ATP13A4: variants seen among roughly 807,000 people sequenced by gnomAD.
ATP13A4 encodes probable cation-transporting ATPase 13A4.
A neutral mutation model predicts 142.5 loss-of-function variants in ATP13A4; 114 were observed. The ratio of observed to expected loss-of-function variants is 0.80; its 90% CI spans 0.69 to 0.93. The LOEUF is 0.93. Ranked by LOEUF, ATP13A4 falls within the 40% of genes least tolerant of loss-of-function variation. The probability of loss-of-function intolerance (pLI) is 0.00; values close to 1 mark genes in which losing one functional copy is unlikely to be tolerated. For synonymous variants in ATP13A4, 488 were observed against 514.8 expected (o/e 0.95, Z 0.70); for missense variants, 1,392 against 1,454.0 (o/e 0.96, Z 0.69).
intron 28 of ATP13A4, among the ~76,000 whole-genome samples, chr3:193,408,360 G>A (rs1448168630): frequency 6.6e-6 from 1 of 152,122 alleles, no homozygotes; most frequent in East Asian, 1.9e-4. Context: ...ATCAATATGG[G>A]ACTACATATA....
chr3:193,589,178 A>ATG lies in ATP13A4; in HGVS notation n.91+3842_91+3843insCA, dbSNP rs201349620. 6.1e-3 allele frequency among the ~76,000 whole-genome samples: 933 copies of ATG among 151,832 alleles called. 10 individuals carry two copies. The highest frequency in any genetic ancestry group is 0.021 in the African/African-American group (869 of 41,252). ...AAACAAACAAAAACCAAATATATAT[A>ATG]TATGTGTGTGTGTGTGTGTATATAA... On this transcript the variant is annotated intron_variant and non_coding_transcript_variant, in intron 1 of 3. Transcript: ENST00000489140.
chr3:193,478,303 A>T (rs1026618561), intron 8 of ATP13A4, among the ~76,000 whole-genome samples: 1 of 151,992 alleles, frequency 6.6e-6, no homozygotes, highest in Non-Finnish European at 1.5e-5. Flanking sequence ...TTGAAACAAA[A>T]AAAAAGCCCA....
chr3:193,413,763 G>A (rs1714902332), intron 26 of ATP13A4, among the ~76,000 whole-genome samples: 1 of 152,180 alleles, frequency 6.6e-6, no homozygotes, highest in Non-Finnish European at 1.5e-5. Flanking sequence ...CTCTGCTCTT[G>A]AACCCTGTTT....
At chr3:193,525,355 C>G (rs573835958) in intron 1 of ATP13A4, among the ~76,000 whole-genome samples, 1 of 152,290 alleles carries the variant, frequency 6.6e-6, no homozygotes, top group East Asian at 1.9e-4. Context: ...GCAATGATCT[C>G]CTTCCAAAAT....
intron 17 of ATP13A4, among the ~76,000 whole-genome samples, chr3:193,450,768 C>G (rs1717230160): frequency 6.6e-6 from 1 of 152,136 alleles, no homozygotes; most frequent in Admixed American, 6.5e-5. Flanking sequence ...GAGATCTGTT[C>G]CTTGTCTCTG....
At chr3:193,578,105 C>T (rs1350720126) in intron 2 of ATP13A4, among the ~76,000 whole-genome samples, 1 of 151,966 alleles carries the variant, frequency 6.6e-6, no homozygotes, top group Non-Finnish European at 1.5e-5. Context: ...ACCAGCCTGG[C>T]CAACATGGTG....
intron 2 of ATP13A4, among the ~76,000 whole-genome samples, chr3:193,569,519 T>A (rs1724212311): frequency 8.1e-6 from 1 of 123,814 alleles, no homozygotes; most frequent in Non-Finnish European, 1.6e-5. Flanking sequence ...TTGGTTTGGT[T>A]TTTTTGTTGT....
rs1288806102 is a variant in ATP13A4, at chr3:193,401,539, CAT to C, written c.*1111_*1112del. Among the ~76,000 whole-genome samples the C allele has an allele frequency of 4.6e-5, 7 of 152,222 alleles. No individual in the cohort carries two copies. The East Asian group carries it at 1.4e-3, about 29-fold the overall frequency. ...CATGTGACATGAGAGATTCCTAAAA[CAT>C]AGGATAAGTTACTGGGGTTAGGAAA... is the stretch of plus-strand genomic sequence containing the variant. On this transcript the variant is annotated 3_prime_UTR_variant, in exon 30 of 30. Coordinates refer to ENST00000342695, the MANE Select transcript of ATP13A4 (RefSeq NM_032279.4).
chr3:193,433,236 G>A (rs1218993127), intron 25 of ATP13A4, among the ~76,000 whole-genome samples: 1 of 152,278 alleles, frequency 6.6e-6, no homozygotes, highest in Non-Finnish European at 1.5e-5. Context: ...TAGTAGCAGA[G>A]GCTATGTATG....
intron 21 of ATP13A4, among the ~76,000 whole-genome samples, chr3:193,439,711 T>C (rs1463794991): frequency 2.6e-5 from 4 of 152,224 alleles, no homozygotes; most frequent in African/African-American, 9.7e-5. Flanking sequence ...ACAAGGACTA[T>C]TGAGAGCCAA....
chr3:193,491,191 G>T lies in ATP13A4; in HGVS notation c.603+138C>A, dbSNP rs1247287310. 1.5e-5 allele frequency: 11 copies of T among 757,938 alleles called. No homozygotes were observed. The Admixed American group carries it at 1.9e-4, about 13-fold the overall frequency. 47.0% of individuals were successfully genotyped at this position (757,938 alleles called of 1,614,324 possible). A position where few individuals can be genotyped will look rare whatever the true frequency, so the allele number is the denominator to read the frequency against. Reference sequence around the variant, plus strand: ...GAAAAAGAGTAAGCAAGAGATATGAGGATAATATGCTTGGCATACTTTCAA... The same window carrying T: ...GAAAAAGAGTAAGCAAGAGATATGATGATAATATGCTTGGCATACTTTCAA... On this transcript the variant is annotated intron_variant, in intron 6 of 29. Transcript: ENST00000342695.
At chr3:193,536,482 TAA>T (rs1722597946) in intron 1 of ATP13A4, among the ~76,000 whole-genome samples, 1 of 151,976 alleles carries the variant, frequency 6.6e-6, no homozygotes, top group South Asian at 2.1e-4. Context: ...AAAATATAAA[TAA>T]AAGAGAATTC....
intron 1 of ATP13A4, among the ~76,000 whole-genome samples, chr3:193,523,352 A>G (rs1397290671): frequency 6.6e-6 from 1 of 152,054 alleles, no homozygotes; most frequent in Non-Finnish European, 1.5e-5. Context: ...ATTCGAGTTC[A>G]TGCTAATGAG....
At chr3:193,479,817 C>G (rs576066898) in intron 8 of ATP13A4, among the ~76,000 whole-genome samples, 1 of 152,214 alleles carries the variant, frequency 6.6e-6, no homozygotes, top group East Asian at 1.9e-4. Context: ...CAAAGCAAGA[C>G]AAAGCAAAAA....
chr3:193,480,056 A>C (rs776529535), intron 8 of ATP13A4, among the ~76,000 whole-genome samples: 40 of 152,190 alleles, frequency 2.6e-4, no homozygotes, highest in Non-Finnish European at 5.6e-4. Context: ...ATAATTGGCA[A>C]GCCACATGTA....
intron 25 of ATP13A4, among the ~76,000 whole-genome samples, chr3:193,428,685 G>C (rs1390824925): frequency 6.6e-6 from 1 of 151,064 alleles, no homozygotes; most frequent in African/African-American, 2.4e-5. Context: ...GCAAACTATT[G>C]CAGGGACAAA....
rs143660535 is a variant in ATP13A4, at chr3:193,576,567, G to A, written n.291+5140C>T. Reference sequence around the variant, plus strand: ...ATTACAGGCGTGAGCCACCGCGCCCGGCCTTGAATCAATCTTATGTAAATT... The same window carrying A: ...ATTACAGGCGTGAGCCACCGCGCCCAGCCTTGAATCAATCTTATGTAAATT... On this transcript the variant is annotated intron_variant and non_coding_transcript_variant, in intron 2 of 3. Transcript: ENST00000489140. 5.7e-3 allele frequency among the ~76,000 whole-genome samples: 871 copies of A among 152,128 alleles called. 11 individuals are homozygous for A. The highest frequency in any genetic ancestry group is 0.02 in the African/African-American group (811 of 41,520).
At chr3:193,469,248 T>C (rs1346921945) in intron 9 of ATP13A4, among the ~76,000 whole-genome samples, 1 of 152,162 alleles carries the variant, frequency 6.6e-6, no homozygotes, top group Non-Finnish European at 1.5e-5. Context: ...AGAATTATCT[T>C]AGAAAGTTAT....
chr3:193,555,130 G>A, upstream of ATP13A4: 1 of 403,394 alleles, frequency 2.5e-6, no homozygotes, highest in Non-Finnish European at 4.7e-6. Context: ...CCTGCCCAGT[G>A]CCTGCCAGCC....
Sources: gnomAD v4.1 joint callset for allele counts (sites outside exome capture counted in the v4.1 genomes callset) on GRCh38, gnomAD v4.1.1 for gene constraint, MANE v1.5 for transcripts, NCBI Gene and HGNC (gene_info 2026-07-23, HGNC 2026-07-21) for gene names.